The following VAT1L variants were observed in gnomAD, a reference collection of about 807,000 sequenced individuals.
VAT1L encodes the protein vesicle amine transport 1 like.
VAT1L carries 34 observed loss-of-function variants against 44.1 expected under a neutral mutation model. The observed-to-expected ratio is 0.77, with a 90% CI of 0.59 to 1.03. The LOEUF (loss-of-function observed/expected upper bound fraction) is 1.03. Among genes scored for constraint, VAT1L ranks in the 50% least tolerant of loss-of-function variants. The pLI, the probability that VAT1L is intolerant of heterozygous loss-of-function variation, is 0.00. For missense variants in VAT1L, 615 were observed against 538.8 expected (o/e 1.14, Z -1.40); for synonymous variants, 253 against 202.2 (o/e 1.25, Z -2.13).
At chr16:77,906,344 A>G (rs973048333) in intron 7 of VAT1L, among the ~76,000 whole-genome samples, 1 of 152,196 alleles carries the variant, frequency 6.6e-6, no homozygotes, top group Non-Finnish European at 1.5e-5. Flanking sequence ...CAAAGCTTCA[A>G]AGACGATGTT....
At chr16:77,855,406 C>T (rs980102124) in intron 3 of VAT1L, among the ~76,000 whole-genome samples, 2 of 151,934 alleles carry the variant, frequency 1.3e-5, no homozygotes, top group African/African-American at 4.8e-5. Flanking sequence ...TCACACAACC[C>T]ATTTGAGAAA....
chr16:77,936,104 C>T (rs1416553811), intron 7 of VAT1L, among the ~76,000 whole-genome samples: 2 of 152,120 alleles, frequency 1.3e-5, no homozygotes, highest in Non-Finnish European at 2.9e-5. Flanking sequence ...GGGAGACTAT[C>T]GCACCACTGA....
rs1336521390 is a variant in VAT1L, at chr16:77,951,155, C to T, written c.1078-20695C>T. On this transcript the variant is annotated intron_variant, in intron 7 of 8. Transcript: ENST00000302536. ...ACTGGCTGTTCAAAATCCGTAAAGT[C>T]CAGACGGTATGCAACTCCACAAAGC... Among the ~76,000 whole-genome samples, 10 of 152,302 alleles carry T rather than the reference C, an allele frequency of 6.6e-5. No individual in the cohort carries two copies. In the East Asian group the frequency reaches 1.9e-3, roughly 29 times the overall value.
At chr16:77,863,266 C>G (rs2016935282) in intron 4 of VAT1L, among the ~76,000 whole-genome samples, 1 of 152,206 alleles carries the variant, frequency 6.6e-6, no homozygotes, top group Non-Finnish European at 1.5e-5. Flanking sequence ...TATGGTTCCA[C>G]TATTGTCTTG....
Position 77,816,909 on chromosome 16 carries a change from T to C in VAT1L, c.234-12T>C. ...TTTTGAATTTCTCTCCTTTCACATT[T>C]GCTCTTTACAGTGGATTAAACTTCA... On this transcript the variant is annotated splice_polypyrimidine_tract_variant and intron_variant, in intron 1 of 8. Transcript: ENST00000302536. 1 of 1,598,072 alleles carries C rather than the reference T, an allele frequency of 6.3e-7. No individual in the cohort carries two copies. The highest frequency in any genetic ancestry group is 8.5e-7 in the Non-Finnish European group (1 of 1,172,938).
intron 7 of VAT1L, among the ~76,000 whole-genome samples, chr16:77,969,886 TC>T (rs1328605135): frequency 6.6e-6 from 1 of 151,306 alleles, no homozygotes; most frequent in Admixed American, 6.6e-5. Context: ...TGTATTAGGG[TC>T]AAGAAATTTT....
At chr16:77,816,774 T>G (rs997281993) in intron 1 of VAT1L, 147 bp from the exon 2 acceptor site, 1 of 1,032,684 alleles carries the variant, frequency 9.7e-7, no homozygotes, top group African/African-American at 1.6e-5. Context: ...TTAGGGATAC[T>G]TTGCCAAAAA....
intron 5 of VAT1L, among the ~76,000 whole-genome samples, chr16:77,877,487 T>G (rs13338703): frequency 0.041 from 5,024 of 122,998 alleles, 306 homozygotes; most frequent in African/African-American, 0.14. Flanking sequence ...CACTCTAGCC[T>G]GGGCGACAGA....
At chr16:77,973,615 G>A (rs1328399351) in intron 8 of VAT1L, among the ~76,000 whole-genome samples, 3 of 151,116 alleles carry the variant, frequency 2.0e-5, no homozygotes, top group South Asian at 2.1e-4. Context: ...AAATATTCGG[G>A]AAGTGTTTCT....
chr16:77,927,054 T>G (rs975691097), intron 7 of VAT1L, among the ~76,000 whole-genome samples: 1 of 152,048 alleles, frequency 6.6e-6, no homozygotes, highest in African/African-American at 2.4e-5. Context: ...TCAACACTGT[T>G]ATGGCCCGGC....
At chr16:77,954,970 A>C (rs1308786696) in intron 7 of VAT1L, among the ~76,000 whole-genome samples, 1 of 152,196 alleles carries the variant, frequency 6.6e-6, no homozygotes. Context: ...GGCAGTCTTT[A>C]ATTTCTATTT....
At chr16:77,822,318 G>A (rs976469378) in intron 2 of VAT1L, among the ~76,000 whole-genome samples, 1 of 151,980 alleles carries the variant, frequency 6.6e-6, no homozygotes. Context: ...ATTTTTAGTA[G>A]AGACGGGGTT....
At chr16:77,832,157 A>C (rs2016587113) in intron 3 of VAT1L, among the ~76,000 whole-genome samples, 1 of 151,694 alleles carries the variant, frequency 6.6e-6, no homozygotes. Flanking sequence ...TTTGATGTGT[A>C]CCATAGCAAT....
At chr16:77,926,505 A>T (rs1190768427) in intron 7 of VAT1L, among the ~76,000 whole-genome samples, 2 of 151,996 alleles carry the variant, frequency 1.3e-5, no homozygotes, top group Non-Finnish European at 2.9e-5. Context: ...AATCGCTTGA[A>T]CCTGGGAGGC....
chr16:77,937,884 G>A (rs930416293), intron 7 of VAT1L, among the ~76,000 whole-genome samples: 1 of 152,224 alleles, frequency 6.6e-6, no homozygotes, highest in East Asian at 1.9e-4. Flanking sequence ...GAAAATTACC[G>A]AAGGAAACTT....
At chr16:77,891,077 G>C (rs569378385) in intron 7 of VAT1L, among the ~76,000 whole-genome samples, 11 of 150,940 alleles carry the variant, frequency 7.3e-5, no homozygotes, top group African/African-American at 2.7e-4. Context: ...CTTCTCGGCC[G>C]GGCGTGGTGG....
intron 7 of VAT1L, among the ~76,000 whole-genome samples, chr16:77,911,487 G>A (rs138123491): frequency 1.3e-5 from 2 of 152,182 alleles, no homozygotes; most frequent in African/African-American, 4.8e-5. Flanking sequence ...ACCCTCCCTC[G>A]GCCTCACCCT....
At chr16:77,827,782 C>G (rs2016539945) in intron 3 of VAT1L, among the ~76,000 whole-genome samples, 3 of 152,090 alleles carry the variant, frequency 2.0e-5, no homozygotes, top group African/African-American at 7.2e-5. Flanking sequence ...CTCTTTCTTT[C>G]TCTGTGGTTT....
At chr16:77,827,160 C>T (rs2016531978) in intron 3 of VAT1L, among the ~76,000 whole-genome samples, 1 of 152,058 alleles carries the variant, frequency 6.6e-6, no homozygotes, top group African/African-American at 2.4e-5. Context: ...GCTAAGCATC[C>T]CGTAGAAAAG....
Sources: gnomAD v4.1 joint callset for allele counts (sites outside exome capture counted in the v4.1 genomes callset) on GRCh38, gnomAD v4.1.1 for gene constraint, MANE v1.5 for transcripts, NCBI Gene and HGNC (gene_info 2026-07-23, HGNC 2026-07-21) for gene names.